Variants in CR1 observed in about 807,000 individuals in gnomAD.
CR1 encodes the protein complement C3b/C4b receptor 1 (Knops blood group), also known as complement receptor type 1.
CR1 carries 116 observed loss-of-function variants against 187.3 expected under a neutral mutation model. The ratio of observed to expected loss-of-function variants is 0.62; its 90% confidence interval spans 0.53 to 0.72. The LOEUF (loss-of-function observed/expected upper bound fraction) is 0.72, where lower values mean the gene tolerates loss of function less well. Ranked by LOEUF, CR1 falls within the 30% of genes least tolerant of loss-of-function variation. The pLI, the probability that CR1 is intolerant of heterozygous loss-of-function variation, is 0.00. For synonymous variants in CR1, 576 were observed against 747.1 expected, an observed-to-expected ratio of 0.77 and a Z score of 3.73; for missense variants, 1,731 against 2,110.7, an observed-to-expected ratio of 0.82 and a Z score of 3.52.
rs185087864 is a variant in CR1 at position 207,608,607 on chromosome 1, A to G, written c.5897-683A>G. On this transcript the variant is annotated intron_variant, in intron 36 of 46. Transcript: ENST00000367049. ...ATATCTGCCAAGAACTTGAAATTCT[A>G]TGAAATAATTCAAATTATCAAAGAA... is the stretch of plus-strand genomic sequence containing the variant. Among the ~76,000 whole-genome samples the G allele has an allele frequency of 1.3e-3, 193 of 152,318 alleles. 3 individuals are homozygous for G. The highest frequency in any genetic ancestry group is 1.8e-4 in the Non-Finnish European group (12 of 68,012).
chr1:207,521,544 C>T (rs1227975582), intron 4 of CR1, among the ~76,000 whole-genome samples: 2 of 150,686 alleles, frequency 1.3e-5, no homozygotes, highest in Non-Finnish European at 3.0e-5. Context: ...TGCTATTAAT[C>T]TCACACAAAT....
At chr1:207,594,850 T>C (rs1468324513) in intron 35 of CR1, among the ~76,000 whole-genome samples, 2 of 152,030 alleles carry the variant, frequency 1.3e-5, no homozygotes, top group South Asian at 2.1e-4. Flanking sequence ...TTCCCTATGG[T>C]AAACAAAACA....
At chr1:207,509,620 A>G (rs1659554325) in intron 3 of CR1, among the ~76,000 whole-genome samples, 1 of 152,218 alleles carries the variant, frequency 6.6e-6, no homozygotes, top group African/African-American at 2.4e-5. Context: ...ACAACACTGA[A>G]CAATAGTATG....
At chr1:207,577,249 A>T (rs1434778813) in intron 28 of CR1, among the ~76,000 whole-genome samples, 1 of 142,748 alleles carries the variant, frequency 7.0e-6, no homozygotes, top group Non-Finnish European at 1.5e-5. Context: ...AGGATCTGTT[A>T]AAACAAACAA....
chr1:207,499,569 A>G (rs190138099), intron 1 of CR1, among the ~76,000 whole-genome samples: 1 of 152,366 alleles, frequency 6.6e-6, no homozygotes, highest in East Asian at 1.9e-4. Context: ...GACTTCATCC[A>G]CAACAGCAGA....
intron 45 of CR1, among the ~76,000 whole-genome samples, chr1:207,623,911 CTTTTTTTTT>C (rs71154830): frequency 1.8e-3 from 97 of 52,472 alleles, no homozygotes; most frequent in African/African-American, 6.5e-3. Flanking sequence ...ACACCATTAA[CTTTTTTTTT>C]TTTTTTTTTT....
chr1:207,604,026 G>A (rs141870375), intron 35 of CR1, among the ~76,000 whole-genome samples: 2 of 152,108 alleles, frequency 1.3e-5, no homozygotes, highest in Admixed American at 6.6e-5. Flanking sequence ...CATGACCTAC[G>A]GAGTGAGTCA....
rs578043778 is a variant in CR1 at position 207,609,883 on chromosome 1, G to T, written c.6295+195G>T. ...TCTCATCTATAGTAGACATATTTTA[G>T]ATGCATTTTTGAATTTAACATTTAC... On this transcript the variant is annotated intron_variant, in intron 37 of 46. Transcript: ENST00000367049. 2.0e-5 allele frequency among the ~76,000 whole-genome samples: 3 copies of T among 152,174 alleles called. No homozygotes were observed. The East Asian group carries it at 5.8e-4, about 29-fold the overall frequency.
chr1:207,587,375 T>C lies in CR1; in HGVS notation c.5531-11T>C. On this transcript the variant is annotated splice_polypyrimidine_tract_variant and intron_variant, in intron 33 of 46. Transcript: ENST00000367049. ...TGCTAACTTTGATATTCCTGTGGTT[T>C]TTCTCTCCAGGTCACTGTAAAACCC... The C allele has an allele frequency of 6.2e-7, 1 of 1,600,258 alleles. No homozygotes were observed.
chr1:207,607,119 T>A, intron 35 of CR1, 132 bp from the exon 36 acceptor site: 1 of 611,674 alleles, frequency 1.6e-6, no homozygotes. Flanking sequence ...GAGATGGGGT[T>A]TCTTCCTTCC....
At chr1:207,567,274 T>TA (rs1431075782) in intron 24 of CR1, among the ~76,000 whole-genome samples, 3 of 149,892 alleles carry the variant, frequency 2.0e-5, no homozygotes, top group Admixed American at 2.0e-4. Flanking sequence ...AGTTTTTTTT[T>TA]TTTTTTTATC....
At chr1:207,599,835 G>T (rs1661552549) in intron 35 of CR1, among the ~76,000 whole-genome samples, 1 of 152,214 alleles carries the variant, frequency 6.6e-6, no homozygotes, top group African/African-American at 2.4e-5. Flanking sequence ...CACCTGAGAT[G>T]GAGGTGGGAG....
At chr1:207,502,660 GC>G (rs1327642321) in intron 1 of CR1, among the ~76,000 whole-genome samples, 4 of 152,212 alleles carry the variant, frequency 2.6e-5, no homozygotes, top group Admixed American at 2.6e-4. Context: ...ACAACTGCTG[GC>G]TTAATAAAGC....
rs1216958275 is a variant in CR1, at chr1:207,577,753, C to T, written c.4538-52C>T. ...CACTGCACTCCAGCCTGGGTGACAG[C>T]AAGACTCTGTCCCAAGGTTTTGTTT... is the stretch of plus-strand genomic sequence containing the variant. On this transcript the variant is annotated intron_variant, in intron 28 of 46. Coordinates refer to ENST00000367049, the MANE Select transcript of CR1 (RefSeq NM_000651.6). 5 of 1,604,772 alleles carry T rather than the reference C, an allele frequency of 3.1e-6. No individual in the cohort carries two copies. The African/African-American group carries it at 4.0e-5, about 13-fold the overall frequency.
chr1:207,601,290 A>G (rs1332928016), intron 35 of CR1, among the ~76,000 whole-genome samples: 1 of 152,160 alleles, frequency 6.6e-6, no homozygotes, highest in Non-Finnish European at 1.5e-5. Context: ...TATCTTCTCT[A>G]TTCTAATAAA....
intron 35 of CR1, among the ~76,000 whole-genome samples, chr1:207,594,619 G>A (rs1381404720): frequency 6.6e-6 from 1 of 151,946 alleles, no homozygotes; most frequent in Non-Finnish European, 1.5e-5. Flanking sequence ...AAAAGACTGT[G>A]TACTCATTTT....
chr1:207,617,284 G>A (rs1274244584), intron 41 of CR1, among the ~76,000 whole-genome samples: 5 of 150,930 alleles, frequency 3.3e-5, no homozygotes, highest in Non-Finnish European at 7.4e-5. Flanking sequence ...TTTTTATGTT[G>A]TTTCCAAGGG....
chr1:207,623,413 C>A (rs1435581184), intron 45 of CR1, among the ~76,000 whole-genome samples: 12 of 152,084 alleles, frequency 7.9e-5, no homozygotes, highest in Admixed American at 7.9e-4. Context: ...AAAACCCTGT[C>A]TCTACTAAAC....
At chr1:207,638,063 A>G (rs2102424057) in intron 46 of CR1, among the ~76,000 whole-genome samples, 1 of 152,374 alleles carries the variant, frequency 6.6e-6, no homozygotes, top group East Asian at 1.9e-4. Context: ...TTTAAAGTAT[A>G]GAGTGCTAGA....
Sources: allele counts gnomAD v4.1 joint callset (sites outside exome capture counted in the v4.1 genomes callset), GRCh38; gene constraint gnomAD v4.1.1; transcripts MANE v1.5; gene names NCBI Gene and HGNC (gene_info 2026-07-23, HGNC 2026-07-21).